LRP8: variants seen among roughly 807,000 people sequenced by gnomAD.
LRP8 encodes the protein low-density lipoprotein receptor-related protein 8.
LRP8 carries 46 observed loss-of-function variants against 111.6 expected under a neutral mutation model. The observed-to-expected ratio is 0.41, with a 90% CI of 0.33 to 0.53. The LOEUF is 0.53. Among genes scored for constraint, LRP8 ranks in the 20% least tolerant of loss-of-function variants. LRP8 has a pLI of 0.20. For synonymous variants in LRP8, 464 were observed against 511.2 expected (o/e 0.91, Z 1.24); for missense variants, 959 against 1,297.4 (o/e 0.74, Z 4.01).
intron 15 of LRP8, among the ~76,000 whole-genome samples, chr1:53,256,170 C>T (rs1300058930): frequency 6.6e-6 from 1 of 152,242 alleles, no homozygotes. Context: ...GAGCTATCAT[C>T]TACACTTGCT....
At chr1:53,260,399 G>C (rs750753610) in intron 13 of LRP8, 65 bp downstream of exon 13, 21 of 1,525,324 alleles carry the variant, frequency 1.4e-5, no homozygotes, top group Non-Finnish European at 1.9e-5. Context: ...CAGCCTGCCT[G>C]GTGAAAGGAG....
At chr1:53,270,450 T>C (rs963558282) in intron 8 of LRP8, among the ~76,000 whole-genome samples, 15 of 152,060 alleles carry the variant, frequency 9.9e-5, no homozygotes, top group Admixed American at 7.9e-4. Flanking sequence ...CTTCCTAGGG[T>C]GGTGGTAACG....
intron 2 of LRP8, among the ~76,000 whole-genome samples, chr1:53,315,322 C>T (rs1248324859): frequency 6.6e-6 from 1 of 152,198 alleles, no homozygotes; most frequent in East Asian, 1.9e-4. Context: ...ATGGGGATTC[C>T]TGAAGGACAG....
chr1:53,299,022 G>C (rs911894295), intron 2 of LRP8, among the ~76,000 whole-genome samples: 16 of 152,244 alleles, frequency 1.1e-4, no homozygotes, highest in Admixed American at 2.0e-4. Context: ...AGGGCTCCCA[G>C]AGCAGAACTC....
chr1:53,293,292 C>A lies in LRP8; in HGVS notation c.245-3603G>T, dbSNP rs1248178253. On this transcript the variant is annotated intron_variant, in intron 2 of 18. Transcript: ENST00000306052. The surrounding 1 kb of genome is among the most constrained non-coding windows in gnomAD (Gnocchi z 4.9). ...GGGCAGCTTTGAGGTCAGCCCCGCC[C>A]AGGAAATGGCAGCTGCAGGGAGAGT... 6.6e-6 allele frequency among the ~76,000 whole-genome samples: 1 copy of A among 152,214 alleles called. No homozygotes were observed. Among genetic ancestry groups the A allele is most frequent in the Middle Eastern group, 3.2e-3 (1 of 316 alleles).
rs772376307 is a variant in LRP8, at chr1:53,257,462, G to T, written c.2212C>A (p.Pro738Thr). The change falls in exon 15 of 19, where the codon CCT becomes ACT. Residue 738 changes from proline to threonine, a missense_variant and splice_region_variant. Transcript: ENST00000306052. ...GPDMKRCYRA[P>T]QSTSTTTLAS... is the part of the protein sequence containing the mutation. ...AACGTCGTAGTTGAGGTAGATTGAG[G>T]TGCTGGAGGGGAAATACCATGGAGG... The T allele has an allele frequency of 1.2e-6, 2 of 1,613,426 alleles. No individual in the cohort carries two copies. Among genetic ancestry groups the T allele is most frequent in the Non-Finnish European group, 1.7e-6 (2 of 1,179,522 alleles).
chr1:53,284,369 T>C (rs928415343), intron 3 of LRP8, among the ~76,000 whole-genome samples: 1 of 152,242 alleles, frequency 6.6e-6, no homozygotes, highest in East Asian at 1.9e-4. Context: ...CTCCATTTTA[T>C]AGATGAGGAA....
intron 1 of LRP8, among the ~76,000 whole-genome samples, chr1:53,327,569 C>A (rs1245435508): frequency 6.6e-6 from 1 of 152,220 alleles, no homozygotes; most frequent in Non-Finnish European, 1.5e-5. Context: ...GCACCCCTCC[C>A]CCAAGATCCG....
At position 53,327,803 on chromosome 1, in the gene LRP8, AGCGGATCAGCCGCT is replaced by A; in HGVS notation, c.96_109del (p.Ala34ArgfsTer33). On this transcript the variant is annotated frameshift_variant, in exon 1 of 19. Transcript: ENST00000306052. LOFTEE classifies it high-confidence loss of function. ...GCTGCACGCACCTTGGCCGCCGAGC[AGCGGATCAGCCGCT>A]GCCGCCGCAAGATGCTGGAGCTGCA... is the stretch of plus-strand genomic sequence containing the variant. 6.6e-7 allele frequency: 1 copy of A among 1,512,488 alleles called. No individual in the cohort carries two copies. Among genetic ancestry groups the A allele is most frequent in the Non-Finnish European group, 8.8e-7 (1 of 1,136,462 alleles). The allele number at this position is 1,512,488 out of a possible 1,614,324, so 93.7% of individuals were successfully genotyped here.
chr1:53,252,909 G>T (rs1645943138), intron 16 of LRP8, among the ~76,000 whole-genome samples: 1 of 152,182 alleles, frequency 6.6e-6, no homozygotes, highest in Non-Finnish European at 1.5e-5. Flanking sequence ...TGTGCTAATA[G>T]TATGTAGGAA....
chr1:53,267,079 T>G (rs1042528419), intron 8 of LRP8: 2 of 171,100 alleles, frequency 1.2e-5, no homozygotes, highest in Non-Finnish European at 2.6e-5. Flanking sequence ...TTCCACCTAC[T>G]ATGTATTTCT....
chr1:53,283,002 T>A (rs1647164567), intron 3 of LRP8, among the ~76,000 whole-genome samples: 1 of 152,150 alleles, frequency 6.6e-6, no homozygotes, highest in Admixed American at 6.5e-5. Flanking sequence ...CAGGCTGCTC[T>A]GTGCTGAAAA....
At chr1:53,310,392 G>A (rs973598776) in intron 2 of LRP8, among the ~76,000 whole-genome samples, 3 of 152,048 alleles carry the variant, frequency 2.0e-5, no homozygotes, top group African/African-American at 7.2e-5. Context: ...CTCCTGCTAA[G>A]CCGTGTGACC....
rs768518884 is a variant in LRP8, at chr1:53,277,041, C to T, written c.534G>A (p.Ser178=). 24 of 1,523,108 alleles carry T rather than the reference C, an allele frequency of 1.6e-5. No homozygotes were observed. The highest frequency in any genetic ancestry group is 4.0e-5 in the Admixed American group (2 of 50,606). The allele number at this position is 1,523,108 out of a possible 1,614,324, so 94.3% of individuals were successfully genotyped here. A position where few individuals can be genotyped will look rare whatever the true frequency, so the allele number is the denominator to read the frequency against. ...APHEFQCGNR[S]CLAAVFVCDG... is the part of the protein sequence containing the mutation. ...CGCACACGAACACGGCGGCCAGGCA[C>T]GAGCGGTTGCCGCACTGGAACTCGT... The change falls in exon 5 of 19, where the codon TCG becomes TCA. Residue 178 remains serine (S), a synonymous_variant. Coordinates refer to ENST00000306052, the MANE Select transcript of LRP8 (RefSeq NM_004631.5).
At chr1:53,311,974 G>A (rs925407280) in intron 2 of LRP8, among the ~76,000 whole-genome samples, 2 of 152,242 alleles carry the variant, frequency 1.3e-5, no homozygotes, top group South Asian at 4.1e-4. Flanking sequence ...TACAAGGCAC[G>A]TGGCCAGCGC....
At chr1:53,295,602 G>A (rs1649561003) in intron 2 of LRP8, among the ~76,000 whole-genome samples, 1 of 152,158 alleles carries the variant, frequency 6.6e-6, no homozygotes, top group Non-Finnish European at 1.5e-5. Flanking sequence ...CTTAGCAGAG[G>A]AGGGGAGGGG....
At chr1:53,248,539 T>C (rs1645796036) in intron 18 of LRP8, among the ~76,000 whole-genome samples, 1 of 152,266 alleles carries the variant, frequency 6.6e-6, no homozygotes, top group Non-Finnish European at 1.5e-5. Flanking sequence ...TGCCACTTCC[T>C]GGCTATGACC....
intron 2 of LRP8, among the ~76,000 whole-genome samples, chr1:53,319,285 G>T (rs1428972744): frequency 6.6e-6 from 1 of 152,188 alleles, no homozygotes; most frequent in Non-Finnish European, 1.5e-5. Flanking sequence ...GGTACCTCAA[G>T]GCCAGTGACC....
chr1:53,304,098 C>T (rs574720348), intron 2 of LRP8, among the ~76,000 whole-genome samples: 1 of 152,064 alleles, frequency 6.6e-6, no homozygotes, highest in South Asian at 2.1e-4. Flanking sequence ...ACTTGCTGAG[C>T]GATAAAGGAA....
Sources: gnomAD v4.1 joint callset for allele counts (sites outside exome capture counted in the v4.1 genomes callset) on GRCh38, gnomAD v4.1.1 for gene constraint, Gnocchi (gnomAD v3.1) non-coding constraint, MANE v1.5 for transcripts, NCBI Gene and HGNC (gene_info 2026-07-23, HGNC 2026-07-21) for gene names.